WDR33: variants seen among roughly 807,000 people sequenced by gnomAD.
WDR33 encodes pre-mRNA 3' end processing protein WDR33.
In WDR33, 47 loss-of-function variants were observed where a neutral mutation model predicts 164.9. That is an observed-to-expected ratio of 0.29 (90% CI 0.23 to 0.36). The LOEUF (loss-of-function observed/expected upper bound fraction) is 0.36. Among genes scored for constraint, WDR33 ranks in the 10% least tolerant of loss-of-function variants. The pLI is 1.00. For synonymous variants in WDR33, 505 were observed against 589.0 expected (o/e 0.86, Z 2.06); for missense variants, 1,137 against 1,754.1 (o/e 0.65, Z 6.28).
intron 7 of WDR33, among the ~76,000 whole-genome samples, chr2:127,743,684 G>A (rs1234501482): frequency 6.6e-6 from 1 of 152,164 alleles, no homozygotes; most frequent in East Asian, 1.9e-4. Flanking sequence ...TAACCTAGTG[G>A]TGAGCCAAGG....
chr2:127,711,780 A>ATATTTTTTTTTTTT, intron 18 of WDR33, among the ~76,000 whole-genome samples: 22 of 88,296 alleles, frequency 2.5e-4, no homozygotes, highest in South Asian at 1.4e-3. Flanking sequence ...ATATATATAT[A>ATATTTTTTTTTTTT]TTTTTTTTTT....
chr2:127,792,476 C>A (rs955194901), intron 1 of WDR33, among the ~76,000 whole-genome samples: 4 of 151,368 alleles, frequency 2.6e-5, no homozygotes, highest in South Asian at 4.2e-4. Context: ...ACTTGGCCAA[C>A]ATGGTGAAAC....
chr2:127,781,962 C>T (rs576353964), intron 1 of WDR33, among the ~76,000 whole-genome samples: 1 of 144,748 alleles, frequency 6.9e-6, no homozygotes, highest in Non-Finnish European at 1.5e-5. Context: ...TGCGCCATTG[C>T]ACTCCAGCCT....
intron 1 of WDR33, among the ~76,000 whole-genome samples, chr2:127,774,067 T>G (rs1241330434): frequency 1.3e-5 from 2 of 149,672 alleles, no homozygotes; most frequent in African/African-American, 5.0e-5. Flanking sequence ...TTTTTTTTTT[T>G]TTAAGACAGA....
Position 127,722,105 on chromosome 2 carries a change from C to G in WDR33, c.1519-117G>C, listed in dbSNP as rs544480784. 14 of 1,186,794 alleles carry G rather than the reference C, an allele frequency of 1.2e-5. No homozygotes were observed. The African/African-American group carries it at 2.0e-4, about 17-fold the overall frequency. 73.5% of individuals were successfully genotyped at this position (1,186,794 alleles called of 1,614,324 possible). A position where few individuals can be genotyped will look rare whatever the true frequency, so the allele number is the denominator to read the frequency against. On this transcript the variant is annotated intron_variant, in intron 14 of 21. Transcript: ENST00000322313. This position sits in a 1 kb window ranked among gnomAD's most constrained non-coding sequence, Gnocchi z 5.1. ...TCTAACCTCTGAACCGATTTTATTT[C>G]TTTTTACCTTTTCTCCATGACTCAA...
At chr2:127,793,334 G>A (rs1406922632) in intron 1 of WDR33, among the ~76,000 whole-genome samples, 3 of 152,084 alleles carry the variant, frequency 2.0e-5, no homozygotes. Context: ...GGGAGGCTAA[G>A]GCAGGAGAAT....
rs769126292 is a variant in WDR33 at position 127,734,732 on chromosome 2, GC to G, written c.725-7956del. On this transcript the variant is annotated intron_variant, in intron 7 of 21. Coordinates refer to ENST00000322313, the MANE Select transcript of WDR33 (RefSeq NM_018383.5). ...AGGGTTACATAGTGCTAGAACAACA[GC>G]TTTTTAAGAAAGTTAATACTTAGAA... 6.6e-5 allele frequency among the ~76,000 whole-genome samples: 10 copies of G among 152,184 alleles called. No individual in the cohort carries two copies. The South Asian group carries it at 1.9e-3, about 28-fold the overall frequency.
At chr2:127,774,500 A>G (rs1688118381) in intron 1 of WDR33, among the ~76,000 whole-genome samples, 2 of 152,232 alleles carry the variant, frequency 1.3e-5, no homozygotes, top group Non-Finnish European at 2.9e-5. Flanking sequence ...GCTGCAAAAA[A>G]GAAATTAAGT....
At chr2:127,786,841 G>GT (rs1553479870) in intron 1 of WDR33, among the ~76,000 whole-genome samples, 2 of 90,076 alleles carry the variant, frequency 2.2e-5, no homozygotes, top group South Asian at 5.1e-4. Flanking sequence ...CTTCCTTTCT[G>GT]TTCTTTTTTT....
rs1419760091 is a variant in WDR33, at chr2:127,711,772, A to ATTTT, written c.3308+1810_3308+1811insAAAA. Among the ~76,000 whole-genome samples the ATTTT allele has an allele frequency of 2.2e-3, 189 of 87,668 alleles. 5 individuals are homozygous for ATTTT. Among genetic ancestry groups the ATTTT allele is most frequent in the Middle Eastern group, 6.7e-3 (1 of 150 alleles). The allele number at this position is 87,668 out of a possible 152,430, so 57.5% of individuals were successfully genotyped here. A position where few individuals can be genotyped will look rare whatever the true frequency, so the allele number is the denominator to read the frequency against. On this transcript the variant is annotated intron_variant, in intron 18 of 21. Coordinates refer to ENST00000322313, the MANE Select transcript of WDR33 (RefSeq NM_018383.5). ...TACAGATATATATATATATATATAT[A>ATTTT]TATATATATTTTTTTTTTGAGACAG...
intron 7 of WDR33, among the ~76,000 whole-genome samples, chr2:127,740,579 C>G (rs1686985912): frequency 6.6e-6 from 1 of 152,128 alleles, no homozygotes; most frequent in Admixed American, 6.5e-5. Context: ...CACAATCTTT[C>G]AATTATTTTA....
intron 7 of WDR33, among the ~76,000 whole-genome samples, chr2:127,760,252 G>T (rs1216515371): frequency 2.0e-5 from 3 of 152,160 alleles, no homozygotes; most frequent in Non-Finnish European, 4.4e-5. Flanking sequence ...CCCTTAAATA[G>T]AATTATTTTG....
At chr2:127,725,516 C>A (rs1686544775) in intron 8 of WDR33, among the ~76,000 whole-genome samples, 1 of 152,144 alleles carries the variant, frequency 6.6e-6, no homozygotes, top group South Asian at 2.1e-4. Context: ...GCGAGTGGAT[C>A]ACCTGAGGTC....
At position 127,713,986 on chromosome 2, in the gene WDR33, G is replaced by A. The variant is rs766136189; in HGVS notation, c.2905C>T (p.Pro969Ser). 9 of 1,540,420 alleles carry A rather than the reference G, an allele frequency of 5.8e-6. No homozygotes were observed. The South Asian group carries it at 1.1e-4, about 19-fold the overall frequency. The change falls in exon 18 of 22, where the codon CCG becomes TCG. Residue 969 changes from proline (P) to serine (S), a missense_variant. By Grantham distance (74) the Pro-to-Ser change is moderately conservative. Transcript: ENST00000322313. This position sits in a 1 kb window ranked among gnomAD's most constrained non-coding sequence, Gnocchi z 6.2. ...TGCTCATGCCGCCTCTCTGACATCG[G>A]GCCCATGTGATGGTTTGGAGGGCCG... The part of the protein sequence containing the change: ...SRGPPNHHMG[P>S]MSERRHEQSG...
At chr2:127,782,957 C>G (rs542917192) in intron 1 of WDR33, among the ~76,000 whole-genome samples, 180 of 152,144 alleles carry the variant, frequency 1.2e-3, no homozygotes, top group African/African-American at 4.1e-3. Context: ...TGCAGTGAGC[C>G]GAGATCATGC....
chr2:127,733,420 C>G (rs539016707), intron 7 of WDR33, among the ~76,000 whole-genome samples: 2 of 152,124 alleles, frequency 1.3e-5, no homozygotes, highest in Non-Finnish European at 2.9e-5. Context: ...CTTGGAGGTA[C>G]AATTGCAAAA....
chr2:127,803,153 G>A (rs1160174734), intron 1 of WDR33, among the ~76,000 whole-genome samples: 2 of 151,758 alleles, frequency 1.3e-5, no homozygotes, highest in African/African-American at 2.4e-5. Context: ...TGCAGTATAC[G>A]CTAAGAAAAA....
chr2:127,767,561 A>G, intron 4 of WDR33, among the ~76,000 whole-genome samples: 1 of 152,052 alleles, frequency 6.6e-6, no homozygotes, highest in East Asian at 1.9e-4. Context: ...AAAATACAAA[A>G]AAAAGTAGCC....
At position 127,710,362 on chromosome 2, in the gene WDR33, A is replaced by G. The variant is rs1300354031; in HGVS notation, c.3309-506T>C. 6.6e-6 allele frequency among the ~76,000 whole-genome samples: 1 copy of G among 152,194 alleles called. No individual in the cohort carries two copies. The highest frequency in any genetic ancestry group is 1.9e-4 in the East Asian group (1 of 5,198). The stretch of plus-strand genomic sequence containing the variant: ...ACATTTATGACATATAATCAGAAAA[A>G]TGGGGGCACAGATCGTGTCTGCCAA... On this transcript the variant is annotated intron_variant, in intron 18 of 21. Transcript: ENST00000322313. This position sits in a 1 kb window ranked among gnomAD's most constrained non-coding sequence, Gnocchi z 4.4.
Sources: gnomAD v4.1 joint callset for allele counts (sites outside exome capture counted in the v4.1 genomes callset) on GRCh38, gnomAD v4.1.1 for gene constraint, Gnocchi (gnomAD v3.1) non-coding constraint, MANE v1.5 for transcripts, NCBI Gene and HGNC (gene_info 2026-07-23, HGNC 2026-07-21) for gene names.